WBP11: variants seen among roughly 807,000 people sequenced by gnomAD.
WBP11 encodes WW domain binding protein 11, also known as WW domain-binding protein 11.
In WBP11, 12 loss-of-function variants were observed where a neutral mutation model predicts 66.7. The observed-to-expected ratio is 0.18, with a 90% CI of 0.12 to 0.29. The LOEUF is 0.29. WBP11 is among the 10% of genes least tolerant of loss of function. The pLI is 1.00. For synonymous variants in WBP11, 255 were observed against 273.8 expected (o/e 0.93, Z 0.68); for missense variants, 555 against 818.3 (o/e 0.68, Z 3.93).
intron 6 of WBP11, 96 bp downstream of exon 6, chr12:14,794,875 A>G (rs1949872601): frequency 6.3e-7 from 1 of 1,599,392 alleles, no homozygotes; most frequent in Non-Finnish European, 8.5e-7. Context: ...GTTTACATCC[A>G]TATTGTCTTT....
At chr12:14,787,772 T>C (rs1010376366) in intron 11 of WBP11, among the ~76,000 whole-genome samples, 3 of 152,154 alleles carry the variant, frequency 2.0e-5, no homozygotes, top group African/African-American at 7.2e-5. Context: ...CATCAACTGG[T>C]TTCAAATTAC....
intron 8 of WBP11, 24 bp downstream of exon 8, chr12:14,793,707 C>T (rs376364040): frequency 1.2e-6 from 2 of 1,608,716 alleles, no homozygotes; most frequent in South Asian, 1.1e-5. Flanking sequence ...TGATCAATAC[C>T]ATGAATCCTT....
In WBP11 at chr12:14,786,802, G is replaced by C. The variant is rs938601709; in HGVS notation, c.*263C>G. On this transcript the variant is annotated 3_prime_UTR_variant, in exon 12 of 12. Coordinates refer to ENST00000261167, the MANE Select transcript of WBP11 (RefSeq NM_016312.3). The stretch of plus-strand genomic sequence containing the variant: ...ATCACAAATTTCCAAAGAACTGGAG[G>C]AGGGGAAGAAACAGGGTGAAAATGG... 2.9e-6 allele frequency: 1 copy of C among 343,976 alleles called. No homozygotes were observed. The highest frequency in any genetic ancestry group is 2.0e-5 in the African/African-American group (1 of 48,886). The allele number at this position is 343,976 out of a possible 1,614,324, so 21.3% of individuals were successfully genotyped here. A position where few individuals can be genotyped will look rare whatever the true frequency, so the allele number is the denominator to read the frequency against.
At position 14,787,178 on chromosome 12, in the gene WBP11, C is replaced by T; in HGVS notation, c.1813G>A (p.Ala605Thr). 1 of 1,613,914 alleles carries T rather than the reference C, an allele frequency of 6.2e-7. No homozygotes were observed. Among genetic ancestry groups the T allele is most frequent in the African/African-American group, 1.3e-5 (1 of 75,050 alleles). The part of the protein sequence containing the change: ...APQRKSEDDS[A>T]VPLAKAAPKS... ...GGTGCTGCTTTGGCAAGAGGCACAG[C>T]AGAATCATCCTCTGACTTTCTTTGG... Residue 605 changes from alanine to threonine, a missense_variant, in exon 12 of 12, where the codon GCT becomes ACT. Transcript: ENST00000261167.
chr12:14,798,834 C>G (rs1949924569), intron 4 of WBP11, among the ~76,000 whole-genome samples: 1 of 152,084 alleles, frequency 6.6e-6, no homozygotes, highest in Non-Finnish European at 1.5e-5. Flanking sequence ...GACAAAGTGG[C>G]AGAAACTTGA....
At chr12:14,792,790 G>A (rs1949835980) in intron 8 of WBP11, among the ~76,000 whole-genome samples, 1 of 150,282 alleles carries the variant, frequency 6.7e-6, no homozygotes, top group Admixed American at 6.6e-5. Context: ...CTGAGATTGT[G>A]CCATTGCACT....
At position 14,794,683 on chromosome 12, in the gene WBP11, C is replaced by A; in HGVS notation, c.575G>T (p.Arg192Leu). The change falls in exon 7 of 12, where the codon CGT (arginine) becomes CTT (leucine). Residue 192 changes from arginine (R) to leucine (L), a missense_variant. By Grantham distance (102) the Arg-to-Leu change is moderately radical (BLOSUM62 -2). Coordinates refer to ENST00000261167, the MANE Select transcript of WBP11 (RefSeq NM_016312.3). ...ILPLLGHGVP[R>L]LPPGRKPPGP... ...AGGAGGTTTTCTGCCAGGGGGCAAA[C>A]GTGGAACACCATGTCCAAGAAGAGG... 6.2e-7 allele frequency: 1 copy of A among 1,606,448 alleles called. No homozygotes were observed. Among genetic ancestry groups the A allele is most frequent in the Non-Finnish European group, 8.5e-7 (1 of 1,176,470 alleles).
At chr12:14,789,471 G>A (rs979032269) in intron 10 of WBP11, among the ~76,000 whole-genome samples, 5 of 152,054 alleles carry the variant, frequency 3.3e-5, no homozygotes, top group Non-Finnish European at 7.4e-5. Flanking sequence ...TGTAATCCCC[G>A]CTACTTGGGA....
At chr12:14,801,795 A>G (rs1021530914) in intron 1 of WBP11, 5 of 164,476 alleles carry the variant, frequency 3.0e-5, no homozygotes, top group Admixed American at 1.2e-4. Flanking sequence ...TCCTTCTTCT[A>G]TAACCTCCCT....
rs757805695 is a variant in WBP11 at position 14,790,515 on chromosome 12, G to A, written c.1250C>T (p.Pro417Leu). 1.4e-5 allele frequency: 22 copies of A among 1,614,030 alleles called. No individual in the cohort carries two copies. Among genetic ancestry groups the A allele is most frequent in the Non-Finnish European group, 1.5e-5 (18 of 1,179,868 alleles). ...MPGPPPLGPP[P>L]APPLRPPGPP... is the part of the protein sequence containing the mutation. Reference sequence around the variant, plus strand: ...CCCAGGAGGCCGTAATGGTGGAGCAGGTGGTGGTCCAAGAGGTGGTGGTCC... The same window carrying A: ...CCCAGGAGGCCGTAATGGTGGAGCAAGTGGTGGTCCAAGAGGTGGTGGTCC... The change falls in exon 10 of 12, where the codon CCT becomes CTT. Residue 417 changes from proline to leucine, a missense_variant. Transcript: ENST00000261167.
At chr12:14,791,061 C>T in intron 9 of WBP11, 108 bp downstream of exon 9, 1 of 1,107,050 alleles carries the variant, frequency 9.0e-7, no homozygotes, top group Non-Finnish European at 1.3e-6. Context: ...AAAACAAGGA[C>T]TTATTACTTA....
At chr12:14,801,535 G>T in intron 1 of WBP11, 107 bp from the exon 2 acceptor site, 1 of 650,002 alleles carries the variant, frequency 1.5e-6, no homozygotes, top group Non-Finnish European at 2.6e-6. Context: ...TAGAAATTCT[G>T]TGAGACTGTT....
rs370682253 is a variant in WBP11, at chr12:14,787,026, A to G, written c.*39T>C. On this transcript the variant is annotated 3_prime_UTR_variant, in exon 12 of 12. Transcript: ENST00000261167. ...ATAAGAGCCTCTTTCTCCATGGGCC[A>G]CTGTTGTGAACAGAAGCCTTTTCTG... 376 of 1,563,190 alleles carry G rather than the reference A, an allele frequency of 2.4e-4. No individual in the cohort carries two copies. Among genetic ancestry groups the G allele is most frequent in the Admixed American group, 6.9e-4 (38 of 55,344 alleles).
At chr12:14,795,223 C>T in intron 5 of WBP11, 119 bp from the exon 6 acceptor site, 1 of 1,076,604 alleles carries the variant, frequency 9.3e-7, no homozygotes, top group Non-Finnish European at 1.3e-6. Context: ...TAAATATCAC[C>T]AAAAACCCCC....
In WBP11 at chr12:14,786,951, G is replaced by A; in HGVS notation, c.*114C>T. Reference sequence around the variant, plus strand: ...TAAATTTTAGGATATTCCTTGAACTGAAATTAGAAAATACCCTGACAATGG... The same window carrying A: ...TAAATTTTAGGATATTCCTTGAACTAAAATTAGAAAATACCCTGACAATGG... On this transcript the variant is annotated 3_prime_UTR_variant, in exon 12 of 12. Coordinates refer to ENST00000261167, the MANE Select transcript of WBP11 (RefSeq NM_016312.3). The A allele has an allele frequency of 8.5e-7, 1 of 1,176,630 alleles. No individual in the cohort carries two copies. Among genetic ancestry groups the A allele is most frequent in the South Asian group, 1.6e-5 (1 of 61,222 alleles). 72.9% of individuals were successfully genotyped at this position (1,176,630 alleles called of 1,614,324 possible).
chr12:14,795,961 A>G (rs1187655404), intron 5 of WBP11, among the ~76,000 whole-genome samples: 1 of 152,102 alleles, frequency 6.6e-6, no homozygotes, highest in Non-Finnish European at 1.5e-5. Flanking sequence ...ATTTTGAGGT[A>G]AAATTTACGA....
chr12:14,803,324 G>C (rs1026062191), intron 1 of WBP11, 28 bp downstream of exon 1: 1 of 394,704 alleles, frequency 2.5e-6, no homozygotes, highest in Admixed American at 4.5e-5. Flanking sequence ...AGGTGAGGAA[G>C]AGTAGTAAAT....
At chr12:14,790,410 C>T (rs945416159) in intron 10 of WBP11, 46 bp downstream of exon 10, 68 of 1,580,994 alleles carry the variant, frequency 4.3e-5, no homozygotes, top group Non-Finnish European at 5.8e-5. Context: ...GGAATGACTT[C>T]ATTCTAACCT....
Position 14,790,578 on chromosome 12 carries a change from G to T in WBP11, c.1187C>A (p.Ser396Tyr). The T allele has an allele frequency of 1.2e-6, 2 of 1,614,016 alleles. No individual in the cohort carries two copies. Among genetic ancestry groups the T allele is most frequent in the Non-Finnish European group, 1.7e-6 (2 of 1,179,886 alleles). Residue 396 changes from serine (S) to tyrosine (Y), a missense_variant, in exon 10 of 12, where the codon TCT (serine) becomes TAT (tyrosine). By Grantham distance (144) the Ser-to-Tyr change is moderately radical. Around this residue, in one of 6 missense-constraint regions of WBP11, gnomAD observed 230 missense variants for 286.3 expected, o/e 0.80. Transcript: ENST00000261167. The part of the protein sequence containing the change: ...ASSQQQAPPQ[S>Y]VPPSQIQAPP... ...TGCTTGTATCTGAGAAGGAGGAACAGACTGCGGCGGAGCCTGCTGCTGTGA... is the reference window on the plus strand; with the variant it reads ...TGCTTGTATCTGAGAAGGAGGAACATACTGCGGCGGAGCCTGCTGCTGTGA...
Sources: gnomAD v4.1 joint callset for allele counts (sites outside exome capture counted in the v4.1 genomes callset) on GRCh38, gnomAD v4.1.1 for gene constraint, gnomAD v4.1.1 regional missense constraint, MANE v1.5 for transcripts, NCBI Gene and HGNC (gene_info 2026-07-23, HGNC 2026-07-21) for gene names.